The following HOOK3 variants were observed in gnomAD, a reference collection of about 807,000 sequenced individuals.
The protein encoded by HOOK3 is protein Hook homolog 3.
HOOK3 carries 24 observed loss-of-function variants against 116.3 expected under a neutral mutation model. The ratio of observed to expected loss-of-function variants is 0.21; its 90% confidence interval spans 0.15 to 0.29. HOOK3 has a LOEUF of 0.29. Among genes scored for constraint, HOOK3 ranks in the 10% least tolerant of loss-of-function variants. The pLI, the probability that HOOK3 is intolerant of heterozygous loss-of-function variation, is 1.00. For synonymous variants in HOOK3, 275 were observed against 283.0 expected, an observed-to-expected ratio of 0.97 and a Z score of 0.28; for missense variants, 632 against 830.2, an observed-to-expected ratio of 0.76 and a Z score of 2.93.
chr8:42,982,862 A>G (rs374486269), intron 14 of HOOK3, among the ~76,000 whole-genome samples, 166 bp downstream of exon 14: 13 of 152,232 alleles, frequency 8.5e-5, no homozygotes, highest in African/African-American at 2.9e-4. Context: ...GCTTTCTTCC[A>G]CTGGCCTACG....
intron 13 of HOOK3, among the ~76,000 whole-genome samples, chr8:42,980,349 C>T (rs186816053): frequency 1.3e-5 from 2 of 152,130 alleles, no homozygotes; most frequent in African/African-American, 2.4e-5. Context: ...AGGCCTTTCA[C>T]GTAAACTATC....
At chr8:42,962,261 CTTT>C (rs559919675) in intron 8 of HOOK3, among the ~76,000 whole-genome samples, 2 of 117,806 alleles carry the variant, frequency 1.7e-5, no homozygotes, top group Non-Finnish European at 1.8e-5. Flanking sequence ...ATTTTCATTT[CTTT>C]TTTTTTTTTT....
rs1808166716 is a variant in HOOK3 at position 42,943,459 on chromosome 8, A to T, written c.400+14A>T. 1 of 1,413,646 alleles carries T rather than the reference A, an allele frequency of 7.1e-7. No individual in the cohort carries two copies. The highest frequency in any genetic ancestry group is 1.8e-5 in the South Asian group (1 of 54,726). 87.6% of individuals were successfully genotyped at this position (1,413,646 alleles called of 1,614,324 possible). ...AACAGAAGCAAGGTAATTTGTTTCA[A>T]GTTAGTGTTTGCATTTAAAATAATG... On this transcript the variant is annotated intron_variant, in intron 5 of 21. Transcript: ENST00000307602.
chr8:43,008,626 A>AATTTTT lies in HOOK3; in HGVS notation c.1738+734_1738+739dup, dbSNP rs71550438. Among the ~76,000 whole-genome samples the AATTTTT allele has an allele frequency of 1.6e-3, 229 of 143,322 alleles. 2 individuals are homozygous for AATTTTT. Among genetic ancestry groups the AATTTTT allele is most frequent in the African/African-American group, 4.1e-3 (163 of 39,558 alleles). The allele number at this position is 143,322 out of a possible 152,430, so 94.0% of individuals were successfully genotyped here. On this transcript the variant is annotated intron_variant, in intron 18 of 21. Transcript: ENST00000307602. Reference sequence around the variant, plus strand: ...GAGCAACCATACCTGGCCTATATTAAATTTTTATTTTTATTTTTATTTTTA... The same window carrying AATTTTT: ...GAGCAACCATACCTGGCCTATATTAAATTTTTATTTTTATTTTTATTTTTATTTTTA...
Position 43,019,676 on chromosome 8 carries a change from G to A in HOOK3, c.*1178G>A, listed in dbSNP as rs1257990609. On this transcript the variant is annotated 3_prime_UTR_variant, in exon 22 of 22. Transcript: ENST00000307602. ...GTAAACCACATTTATTTACATTGATGAATGGGCTGTTGAATAATCATTGTA... is the reference window on the plus strand; with the variant it reads ...GTAAACCACATTTATTTACATTGATAAATGGGCTGTTGAATAATCATTGTA... 1 of 205,646 alleles carries A rather than the reference G, an allele frequency of 4.9e-6. No homozygotes were observed. The allele number at this position is 205,646 out of a possible 1,614,324, so 12.7% of individuals were successfully genotyped here.
intron 17 of HOOK3, among the ~76,000 whole-genome samples, chr8:43,006,385 G>T (rs1809489651): frequency 6.6e-6 from 1 of 151,846 alleles, no homozygotes; most frequent in Non-Finnish European, 1.5e-5. Flanking sequence ...CACAATCTCG[G>T]CTCACTGCAA....
Position 42,964,428 on chromosome 8 carries a change from T to C in HOOK3, c.733T>C (p.Leu245=). The change falls in exon 9 of 22, where the codon TTG becomes CTG. Residue 245 remains leucine, a synonymous_variant. Transcript: ENST00000307602. ...DPNSPAGRRH[L]QLQTQLEQLQ... ...TAACAGTCCAGCAGGAAGAAGGCAT[T>C]TGCAGCTCCAGACTCAATTAGAACA... 6.2e-7 allele frequency: 1 copy of C among 1,614,116 alleles called. No homozygotes were observed. Among genetic ancestry groups the C allele is most frequent in the Non-Finnish European group, 8.5e-7 (1 of 1,180,006 alleles).
chr8:43,026,539 C>T lies in HOOK3; in HGVS notation c.*8041C>T, dbSNP rs974008884. 6.6e-5 allele frequency: 14 copies of T among 212,444 alleles called. No homozygotes were observed. Among genetic ancestry groups the T allele is most frequent in the African/African-American group, 3.2e-4 (14 of 44,178 alleles). 13.2% of individuals were successfully genotyped at this position (212,444 alleles called of 1,614,324 possible). On this transcript the variant is annotated 3_prime_UTR_variant, in exon 22 of 22. Coordinates refer to ENST00000307602, the MANE Select transcript of HOOK3 (RefSeq NM_032410.4). ...CTTTTATAATGTAATACTTAGAAGC[C>T]AAATCCTTTCAAACGCAAACACCCT...
chr8:42,919,487 C>A (rs565651618), intron 2 of HOOK3, among the ~76,000 whole-genome samples: 1 of 152,048 alleles, frequency 6.6e-6, no homozygotes, highest in Admixed American at 6.5e-5. Context: ...GGGCTCCTCA[C>A]ATCCCAGACG....
At chr8:42,938,079 T>C (rs1310618209) in intron 4 of HOOK3, among the ~76,000 whole-genome samples, 1 of 152,210 alleles carries the variant, frequency 6.6e-6, no homozygotes, top group Non-Finnish European at 1.5e-5. Context: ...GCTCCTGTAT[T>C]GGGTGCATAT....
chr8:42,910,334 T>C (rs750873222), intron 2 of HOOK3, among the ~76,000 whole-genome samples: 4 of 152,118 alleles, frequency 2.6e-5, no homozygotes, highest in Non-Finnish European at 4.4e-5. Context: ...TTTCAGTCTT[T>C]CTTTCTTCCT....
chr8:42,923,619 A>G (rs1361287670), intron 2 of HOOK3, among the ~76,000 whole-genome samples: 7 of 152,202 alleles, frequency 4.6e-5, no homozygotes, highest in Admixed American at 1.3e-4. Flanking sequence ...AGACAAATTC[A>G]TAGAGACAGA....
At chr8:42,910,949 A>C (rs914184509) in intron 2 of HOOK3, among the ~76,000 whole-genome samples, 4 of 152,234 alleles carry the variant, frequency 2.6e-5, no homozygotes, top group African/African-American at 9.6e-5. Context: ...TTTACCTGAC[A>C]AAGTAAAGGT....
At chr8:42,993,619 G>T (rs1809209858) in intron 15 of HOOK3, among the ~76,000 whole-genome samples, 1 of 152,188 alleles carries the variant, frequency 6.6e-6, no homozygotes, top group Non-Finnish European at 1.5e-5. Context: ...GAATTTGCCA[G>T]TGAAGTCATC....
At chr8:42,980,845 C>T (rs755732541) in intron 13 of HOOK3, among the ~76,000 whole-genome samples, 27 of 151,928 alleles carry the variant, frequency 1.8e-4, no homozygotes, top group Non-Finnish European at 3.4e-4. Context: ...GATCGCGCCA[C>T]TGCACTCCAG....
intron 3 of HOOK3, 145 bp downstream of exon 3, chr8:42,925,774 C>T (rs564223527): frequency 5.1e-6 from 3 of 590,250 alleles, no homozygotes; most frequent in Admixed American, 3.3e-5. Context: ...ATTGAACTCA[C>T]CTGGAGTTGT....
chr8:42,920,691 T>G (rs1227715100), intron 2 of HOOK3, among the ~76,000 whole-genome samples: 2 of 152,236 alleles, frequency 1.3e-5, no homozygotes. Flanking sequence ...GGTTATGTGT[T>G]GAACTCTCCT....
rs1231022794 is a variant in HOOK3 at position 43,027,769 on chromosome 8, A to C, written c.*9271A>C. On this transcript the variant is annotated 3_prime_UTR_variant, in exon 22 of 22. Coordinates refer to ENST00000307602, the MANE Select transcript of HOOK3 (RefSeq NM_032410.4). ...CCACATGTGACAGTTAAAATTAAGT[A>C]AAATTAAAACTATAGTTTCTCAGTG... 1 of 207,574 alleles carries C rather than the reference A, an allele frequency of 4.8e-6. No homozygotes were observed. The highest frequency in any genetic ancestry group is 2.3e-5 in the African/African-American group (1 of 43,696). The allele number at this position is 207,574 out of a possible 1,614,324, so 12.9% of individuals were successfully genotyped here.
chr8:43,024,927 T>C lies in HOOK3; in HGVS notation c.*6429T>C, dbSNP rs566593027. On this transcript the variant is annotated 3_prime_UTR_variant, in exon 22 of 22. Coordinates refer to ENST00000307602, the MANE Select transcript of HOOK3 (RefSeq NM_032410.4). ...CCATCTCTTTTAAATCACTGATGAT[T>C]TTCTGGGGAAGTATATATAGATGAT... 19 of 207,646 alleles carry C rather than the reference T, an allele frequency of 9.2e-5. No individual in the cohort carries two copies. Among genetic ancestry groups the C allele is most frequent in the African/African-American group, 4.3e-4 (19 of 44,068 alleles). The allele number at this position is 207,646 out of a possible 1,614,324, so 12.9% of individuals were successfully genotyped here.
Sources: gnomAD v4.1 joint callset for allele counts (sites outside exome capture counted in the v4.1 genomes callset) on GRCh38, gnomAD v4.1.1 for gene constraint, MANE v1.5 for transcripts, NCBI Gene and HGNC (gene_info 2026-07-23, HGNC 2026-07-21) for gene names.